Variants in SPAST observed in about 807,000 individuals in gnomAD.
The protein encoded by SPAST is spastin.
SPAST carries 30 observed loss-of-function variants against 76.6 expected under a neutral mutation model. The observed-to-expected ratio is 0.39, with a 90% confidence interval of 0.29 to 0.53. The LOEUF is 0.53. Ranked by LOEUF, SPAST falls within the 20% of genes least tolerant of loss-of-function variation. The probability of loss-of-function intolerance (pLI) is 0.68; values close to 1 mark genes in which losing one functional copy is unlikely to be tolerated. For synonymous variants in SPAST, 305 were observed against 281.0 expected (o/e 1.09, Z -0.86); for missense variants, 717 against 770.5 (o/e 0.93, Z 0.82).
At chr2:32,101,465 A>G (rs1678122715) in intron 4 of SPAST, among the ~76,000 whole-genome samples, 1 of 151,486 alleles carries the variant, frequency 6.6e-6, no homozygotes, top group South Asian at 2.1e-4. Flanking sequence ...TCTTTAGTTT[A>G]ATTAGATCCC....
At chr2:32,118,684 G>T (rs534629428) in intron 7 of SPAST, among the ~76,000 whole-genome samples, 2 of 152,324 alleles carry the variant, frequency 1.3e-5, no homozygotes, top group Admixed American at 1.3e-4. Context: ...ACTTGCTCAA[G>T]ATTTTAGTTA....
intron 4 of SPAST, among the ~76,000 whole-genome samples, chr2:32,111,696 G>A (rs1678614992): frequency 6.6e-6 from 1 of 150,406 alleles, no homozygotes; most frequent in Admixed American, 6.7e-5. Context: ...TTAACTAGAA[G>A]ACCTCCTTTA....
chr2:32,084,017 G>C (rs1458990596), intron 1 of SPAST, among the ~76,000 whole-genome samples: 1 of 150,814 alleles, frequency 6.6e-6, no homozygotes, highest in African/African-American at 2.4e-5. Flanking sequence ...GACCTCAGGT[G>C]ATCCACCCGC....
chr2:32,095,067 G>A (rs1677867800), intron 3 of SPAST, among the ~76,000 whole-genome samples: 1 of 152,206 alleles, frequency 6.6e-6, no homozygotes, highest in South Asian at 2.1e-4. Flanking sequence ...AGACTCTAAG[G>A]GTAGAACCAG....
chr2:32,086,431 A>G (rs925141417), intron 1 of SPAST, among the ~76,000 whole-genome samples: 14 of 150,482 alleles, frequency 9.3e-5, no homozygotes, highest in Non-Finnish European at 7.4e-5. Flanking sequence ...GTGCCCCTGC[A>G]CTCTAGTGTG....
chr2:32,082,804 CATA>C (rs764292855), intron 1 of SPAST, among the ~76,000 whole-genome samples: 1 of 152,104 alleles, frequency 6.6e-6, no homozygotes, highest in Admixed American at 6.6e-5. Context: ...TCTCCCTTTG[CATA>C]ATATTTTTGA....
chr2:32,130,986 A>G (rs1478856482), intron 9 of SPAST, among the ~76,000 whole-genome samples: 2 of 152,232 alleles, frequency 1.3e-5, no homozygotes, highest in African/African-American at 4.8e-5. Flanking sequence ...AGGTTGTATA[A>G]TGAGCAGTGA....
chr2:32,132,949 G>C (rs778707604), intron 9 of SPAST, among the ~76,000 whole-genome samples: 31 of 152,258 alleles, frequency 2.0e-4, no homozygotes, highest in Non-Finnish European at 1.8e-4. Context: ...GGGAGGCTGA[G>C]GCAGGAGAAT....
At chr2:32,136,732 A>G in intron 10 of SPAST, 94 bp downstream of exon 10, 1 of 1,326,794 alleles carries the variant, frequency 7.5e-7, no homozygotes, top group South Asian at 1.2e-5. Context: ...TTCAGAAGGA[A>G]GAAGTTTTAA....
chr2:32,131,599 A>G (rs1187874208), intron 9 of SPAST, among the ~76,000 whole-genome samples: 1 of 151,862 alleles, frequency 6.6e-6, no homozygotes, highest in Non-Finnish European at 1.5e-5. Flanking sequence ...TCTCATAACC[A>G]GGAAGTGGGA....
chr2:32,136,953 A>G lies in SPAST; in HGVS notation c.1398A>G (p.Leu466=), dbSNP rs778593317. The G allele has an allele frequency of 2.0e-5, 32 of 1,612,652 alleles. No individual in the cohort carries two copies. The highest frequency in any genetic ancestry group is 2.6e-5 in the Non-Finnish European group (31 of 1,178,882). ...DASRRLKTEF[L]IEFDGVQSAG... Reference sequence around the variant, plus strand: ...GTAGACGCCTAAAAACTGAATTTCTAATAGAATTTGATGGTGTAAGTGTTG... The same window carrying G: ...GTAGACGCCTAAAAACTGAATTTCTGATAGAATTTGATGGTGTAAGTGTTG... Residue 466 remains leucine, a synonymous_variant, in exon 11 of 17, where the codon CTA becomes CTG. Transcript: ENST00000315285.
chr2:32,152,347 C>T (rs913436759), intron 16 of SPAST, among the ~76,000 whole-genome samples: 8 of 152,120 alleles, frequency 5.3e-5, no homozygotes, highest in Non-Finnish European at 8.8e-5. Flanking sequence ...GCCATTGGAT[C>T]CCTTGAGCTC....
intron 1 of SPAST, among the ~76,000 whole-genome samples, chr2:32,073,958 A>G (rs989521889): frequency 2.6e-5 from 4 of 152,188 alleles, no homozygotes; most frequent in African/African-American, 7.2e-5. Flanking sequence ...GGCTTTGTCA[A>G]TGCCCTCCAG....
chr2:32,134,268 C>T (rs1208785380), intron 9 of SPAST, among the ~76,000 whole-genome samples: 3 of 151,936 alleles, frequency 2.0e-5, no homozygotes, highest in African/African-American at 4.8e-5. Context: ...TTTGGGAGGC[C>T]GAGGCAGGCG....
intron 3 of SPAST, among the ~76,000 whole-genome samples, chr2:32,093,310 C>CA (rs34291087): frequency 0.39 from 24,339 of 61,696 alleles, 4,721 homozygotes; most frequent in East Asian, 0.63. Flanking sequence ...GACTCCGTCT[C>CA]AAAAAAAAAA....
chr2:32,137,336 A>G, intron 12 of SPAST, 148 bp downstream of exon 12: 3 of 733,716 alleles, frequency 4.1e-6, no homozygotes, highest in Non-Finnish European at 7.3e-6. Flanking sequence ...GTTACCAACT[A>G]CATAAGGATT....
At chr2:32,149,724 T>C (rs975918017) in intron 16 of SPAST, among the ~76,000 whole-genome samples, 21 of 152,336 alleles carry the variant, frequency 1.4e-4, no homozygotes, top group Non-Finnish European at 2.1e-4. Flanking sequence ...TTAGGTGTTA[T>C]AAGTAATCTA....
In SPAST at chr2:32,155,874, G is replaced by T. The variant is rs1000952868; in HGVS notation, c.*1378G>T. 6 of 152,390 alleles carry T rather than the reference G, an allele frequency of 3.9e-5. No homozygotes were observed. The highest frequency in any genetic ancestry group is 2.1e-4 in the South Asian group (1 of 4,824). The allele number at this position is 152,390 out of a possible 1,614,324, so 9.4% of individuals were successfully genotyped here. Reference sequence around the variant, plus strand: ...GAAAGAATATTTGTAGTAGTAACAAGAATTTTTCATTTAGGAAAGATTTCT... The same window carrying T: ...GAAAGAATATTTGTAGTAGTAACAATAATTTTTCATTTAGGAAAGATTTCT... On this transcript the variant is annotated 3_prime_UTR_variant, in exon 17 of 17. Transcript: ENST00000315285.
chr2:32,068,740 A>C (rs1676625525), intron 1 of SPAST, among the ~76,000 whole-genome samples: 1 of 152,114 alleles, frequency 6.6e-6, no homozygotes, highest in Non-Finnish European at 1.5e-5. Flanking sequence ...AAATGAAGTA[A>C]AACTTTAGCC....
Sources: gnomAD v4.1 joint callset for allele counts (sites outside exome capture counted in the v4.1 genomes callset) on GRCh38, gnomAD v4.1.1 for gene constraint, MANE v1.5 for transcripts, NCBI Gene and HGNC (gene_info 2026-07-23, HGNC 2026-07-21) for gene names.